Variants in FAM234B observed in about 807,000 individuals in gnomAD.
FAM234B encodes the protein family with sequence similarity 234 member B.
Under a neutral mutation model 69.3 loss-of-function variants are expected in FAM234B, and 33 were observed. The observed-to-expected ratio is 0.48, with a 90% CI of 0.36 to 0.64. The LOEUF is 0.64. FAM234B is among the 30% of genes least tolerant of loss of function. FAM234B has a pLI of 0.00. For missense variants in FAM234B, 697 were observed against 769.7 expected (o/e 0.91, Z 1.12); for synonymous variants, 306 against 306.9 (o/e 1.00, Z 0.03).
intron 3 of FAM234B, 87 bp from the exon 4 acceptor site, chr12:13,061,488 A>G (rs1434327724): frequency 9.0e-7 from 1 of 1,109,218 alleles, no homozygotes; most frequent in Non-Finnish European, 1.3e-6. Flanking sequence ...ACCACCATCC[A>G]CTTGCAGTTT....
chr12:13,049,509 A>T (rs909370122), intron 1 of FAM234B, among the ~76,000 whole-genome samples: 1 of 152,224 alleles, frequency 6.6e-6, no homozygotes, highest in African/African-American at 2.4e-5. Flanking sequence ...GGCTTGGAAG[A>T]GTGTAGGATA....
At chr12:13,075,444 T>TTTTTTTA (rs1865148768) in intron 10 of FAM234B, among the ~76,000 whole-genome samples, 1 of 149,252 alleles carries the variant, frequency 6.7e-6, no homozygotes, top group Non-Finnish European at 1.5e-5. Flanking sequence ...TTTTTTTTTT[T>TTTTTTTA]TTTTATTTTT....
chr12:13,069,874 A>C (rs1337874752), intron 9 of FAM234B, among the ~76,000 whole-genome samples: 1 of 152,164 alleles, frequency 6.6e-6, no homozygotes, highest in Non-Finnish European at 1.5e-5. Context: ...GACTTCCAGC[A>C]GTGTTATATA....
chr12:13,047,488 A>G (rs916525725), intron 1 of FAM234B, among the ~76,000 whole-genome samples: 3 of 152,150 alleles, frequency 2.0e-5, no homozygotes, highest in African/African-American at 7.2e-5. Flanking sequence ...AGTATAGTAT[A>G]TGTTATAGAA....
At chr12:13,072,838 G>C (rs180975928) in intron 10 of FAM234B, among the ~76,000 whole-genome samples, 6 of 152,266 alleles carry the variant, frequency 3.9e-5, no homozygotes, top group African/African-American at 1.4e-4. Flanking sequence ...AAGAACTGAG[G>C]GTCCTGGGCG....
intron 4 of FAM234B, 108 bp from the exon 5 acceptor site, chr12:13,062,736 TC>T: frequency 8.7e-7 from 1 of 1,155,984 alleles, no homozygotes; most frequent in Non-Finnish European, 1.2e-6. Context: ...GGAGTTGCTG[TC>T]TGTTGTTCAG....
At chr12:13,046,808 G>A (rs1194775633) in intron 1 of FAM234B, among the ~76,000 whole-genome samples, 1 of 152,192 alleles carries the variant, frequency 6.6e-6, no homozygotes, top group Non-Finnish European at 1.5e-5. Flanking sequence ...TGGAGTGGTG[G>A]CTGAGAGCAT....
chr12:13,053,692 G>A (rs570511282), intron 1 of FAM234B, among the ~76,000 whole-genome samples: 3 of 152,298 alleles, frequency 2.0e-5, no homozygotes, highest in Admixed American at 1.3e-4. Context: ...TGCACGTATT[G>A]TCTTGATAAA....
chr12:13,068,420 G>A lies in FAM234B; in HGVS notation c.1259G>A (p.Trp420Ter). 1 of 1,614,152 alleles carries A rather than the reference G, an allele frequency of 6.2e-7. No individual in the cohort carries two copies. ...LLRGQNLTPY[W>*]ALRLQGLRSQ... ...CGGGGGCAAAATCTGACACCTTACT[G>A]GGCATTGAGACTTCAAGGCCTGCGC... Residue 420 changes from tryptophan to a stop codon, truncating the protein, a stop_gained, in exon 8 of 13, where the codon TGG (tryptophan) becomes TAG (stop). Coordinates refer to ENST00000197268, the MANE Select transcript of FAM234B (RefSeq NM_020853.2). LOFTEE classifies it high-confidence loss of function.
intron 1 of FAM234B, among the ~76,000 whole-genome samples, chr12:13,052,186 A>G (rs1864883839): frequency 6.6e-6 from 1 of 152,188 alleles, no homozygotes; most frequent in African/African-American, 2.4e-5. Context: ...GCAACTTCCC[A>G]GAAAAAAATT....
chr12:13,046,486 G>A (rs1346964767), intron 1 of FAM234B, among the ~76,000 whole-genome samples: 3 of 151,890 alleles, frequency 2.0e-5, no homozygotes, highest in African/African-American at 7.3e-5. Flanking sequence ...TTGAGACGGA[G>A]TTTTGCTCTT....
intron 10 of FAM234B, among the ~76,000 whole-genome samples, chr12:13,075,439 T>A (rs1169580837): frequency 6.7e-6 from 1 of 149,686 alleles, no homozygotes; most frequent in Non-Finnish European, 1.5e-5. Context: ...TTTTCTTTTT[T>A]TTTTTTTTTA....
chr12:13,068,288 G>A lies in FAM234B; in HGVS notation c.1143-16G>A. ...TCCAAGCCAGAGACTAACCGTTGGG[G>A]TCTTATTTAACCCAGTGATGGTGTT... On this transcript the variant is annotated splice_polypyrimidine_tract_variant and intron_variant, in intron 7 of 12. Transcript: ENST00000197268. 1 of 1,613,896 alleles carries A rather than the reference G, an allele frequency of 6.2e-7. No individual in the cohort carries two copies.
chr12:13,066,452 G>A (rs1227321846), intron 5 of FAM234B, among the ~76,000 whole-genome samples, 188 bp from the exon 6 acceptor site: 5 of 152,220 alleles, frequency 3.3e-5, no homozygotes, highest in African/African-American at 1.2e-4. Flanking sequence ...GTGAGGCAAT[G>A]GGACATTTGC....
In FAM234B at chr12:13,079,726, C is replaced by A; in HGVS notation, c.1643-63C>A. 3.0e-6 allele frequency: 3 copies of A among 995,854 alleles called. No individual in the cohort carries two copies. In the East Asian group the frequency reaches 7.2e-5, roughly 24 times the overall value. 61.7% of individuals were successfully genotyped at this position (995,854 alleles called of 1,614,324 possible). ...AAATAAATGTATTGTTGAACCAAAC[C>A]CCTCTCCTGTTAGTGGACGGTATGT... On this transcript the variant is annotated intron_variant, in intron 11 of 12. Coordinates refer to ENST00000197268, the MANE Select transcript of FAM234B (RefSeq NM_020853.2).
Position 13,079,769 on chromosome 12 carries a change from T to C in FAM234B, c.1643-20T>C. On this transcript the variant is annotated intron_variant, in intron 11 of 12. Coordinates refer to ENST00000197268, the MANE Select transcript of FAM234B (RefSeq NM_020853.2). ...CGGTATGTGTCCATGTTAACTGCTC[T>C]TGTTTTTGTCCTTCCTCAGTTGGAA... 1 of 1,541,012 alleles carries C rather than the reference T, an allele frequency of 6.5e-7. No homozygotes were observed. The highest frequency in any genetic ancestry group is 9.0e-7 in the Non-Finnish European group (1 of 1,114,508).
rs899044353 is a variant in FAM234B at position 13,067,068 on chromosome 12, C to T, written c.1001-87C>T. ...GCGGGCTCTGTTAGACCCATCTGGT[C>T]AGGCTCTGTGTCTCTTGCTCAGATC... On this transcript the variant is annotated intron_variant, in intron 6 of 12. Coordinates refer to ENST00000197268, the MANE Select transcript of FAM234B (RefSeq NM_020853.2). This position sits in a 1 kb window ranked among gnomAD's most constrained non-coding sequence, Gnocchi z 4.7. 11 of 1,496,412 alleles carry T rather than the reference C, an allele frequency of 7.4e-6. No individual in the cohort carries two copies. Among genetic ancestry groups the T allele is most frequent in the Non-Finnish European group, 8.3e-6 (9 of 1,084,592 alleles). The allele number at this position is 1,496,412 out of a possible 1,614,324, so 92.7% of individuals were successfully genotyped here. A position where few individuals can be genotyped will look rare whatever the true frequency, so the allele number is the denominator to read the frequency against.
chr12:13,046,912 T>C (rs1864819177), intron 1 of FAM234B, among the ~76,000 whole-genome samples: 1 of 152,250 alleles, frequency 6.6e-6, no homozygotes, highest in African/African-American at 2.4e-5. Context: ...AACATTATTA[T>C]GGAACATTCA....
chr12:13,074,972 CT>C (rs954510960), intron 10 of FAM234B, among the ~76,000 whole-genome samples: 6 of 152,180 alleles, frequency 3.9e-5, no homozygotes, highest in African/African-American at 1.4e-4. Flanking sequence ...AGAGCAGCCA[CT>C]TACTAACTCA....
Sources: allele counts gnomAD v4.1 joint callset (sites outside exome capture counted in the v4.1 genomes callset), GRCh38; gene constraint gnomAD v4.1.1; non-coding constraint Gnocchi (gnomAD v3.1); transcripts MANE v1.5; gene names NCBI Gene and HGNC (gene_info 2026-07-23, HGNC 2026-07-21).